Variants in TMEM255B observed in about 807,000 individuals in gnomAD.
TMEM255B encodes the protein family with sequence similarity 70, member B.
TMEM255B carries 35 observed loss-of-function variants against 34.5 expected under a neutral mutation model. That is an observed-to-expected ratio of 1.01 (90% CI 0.77 to 1.34). The LOEUF is 1.34. TMEM255B is among the 40% of genes most tolerant of loss of function. TMEM255B has a pLI of 0.00. For missense variants in TMEM255B, 432 were observed against 433.2 expected, an observed-to-expected ratio of 1.00 and a Z score of 0.02; for synonymous variants, 206 against 201.2, an observed-to-expected ratio of 1.02 and a Z score of -0.20.
Position 113,759,281 on chromosome 13 carries a change from G to A in TMEM255B, c.12G>A (p.Pro4=). The change falls in exon 1 of 9, where the codon CCG becomes CCA. Residue 4 remains proline (P), a synonymous_variant. Coordinates refer to ENST00000375353, the MANE Select transcript of TMEM255B (RefSeq NM_182614.4). MQP[P]VPGPLGLLDP... Reference sequence around the variant, plus strand: ...GGTGGGGCCTCGGGATGCAGCCGCCGGTGCCCGGGCCCCTGGGCCTGCTGG... The same window carrying A: ...GGTGGGGCCTCGGGATGCAGCCGCCAGTGCCCGGGCCCCTGGGCCTGCTGG... 3 of 1,228,906 alleles carry A rather than the reference G, an allele frequency of 2.4e-6. No homozygotes were observed. The highest frequency in any genetic ancestry group is 4.1e-5 in the South Asian group (1 of 24,296). 76.1% of individuals were successfully genotyped at this position (1,228,906 alleles called of 1,614,324 possible).
chr13:113,774,583 C>A (rs1381306334), intron 3 of TMEM255B, among the ~76,000 whole-genome samples: 17 of 143,314 alleles, frequency 1.2e-4, no homozygotes, highest in Non-Finnish European at 2.1e-4. Flanking sequence ...GACACACACA[C>A]CACACAACAC....
At chr13:113,794,158 C>T (rs1179430374) in intron 3 of TMEM255B, among the ~76,000 whole-genome samples, 2 of 152,190 alleles carry the variant, frequency 1.3e-5, no homozygotes, top group Admixed American at 6.5e-5. Flanking sequence ...GAACTCCTCT[C>T]TCCACATACT....
rs1005632189 is a variant in TMEM255B, at chr13:113,770,373, A to G, written c.252+1213A>G. Among the ~76,000 whole-genome samples, 1 of 152,150 alleles carries G rather than the reference A, an allele frequency of 6.6e-6. No individual in the cohort carries two copies. The highest frequency in any genetic ancestry group is 6.5e-5 in the Admixed American group (1 of 15,274). ...CAGGTCCCTCCCACAACACATGAGG[A>G]TCCAAGATGAGATTTGGGTGAGGAC... On this transcript the variant is annotated intron_variant, in intron 3 of 8. Transcript: ENST00000375353. The surrounding 1 kb of genome is among the most constrained non-coding windows in gnomAD (Gnocchi z 4.6).
chr13:113,781,313 C>A (rs1257472331), intron 3 of TMEM255B, among the ~76,000 whole-genome samples: 1 of 152,192 alleles, frequency 6.6e-6, no homozygotes, highest in Non-Finnish European at 1.5e-5. Context: ...AATAGAATTT[C>A]CTTTACAATC....
intron 3 of TMEM255B, among the ~76,000 whole-genome samples, chr13:113,782,052 C>T (rs2050672817): frequency 1.3e-5 from 2 of 152,192 alleles, no homozygotes; most frequent in African/African-American, 4.8e-5. Flanking sequence ...AGTTTATGAT[C>T]TAAAAGCATT....
rs1205216381 is a variant in TMEM255B, at chr13:113,797,279, C to T, written c.342+2042C>T. 2.6e-5 allele frequency among the ~76,000 whole-genome samples: 4 copies of T among 152,272 alleles called. No individual in the cohort carries two copies. The East Asian group carries it at 7.7e-4, about 29-fold the overall frequency. On this transcript the variant is annotated intron_variant, in intron 4 of 8. Coordinates refer to ENST00000375353, the MANE Select transcript of TMEM255B (RefSeq NM_182614.4). ...TTAGGACGGATGCGCAGACAGCACT[C>T]ACTGGAGCTCAGATGCCATCGAGGA...
chr13:113,783,278 G>A (rs567127257), intron 3 of TMEM255B, among the ~76,000 whole-genome samples: 2 of 152,292 alleles, frequency 1.3e-5, no homozygotes, highest in South Asian at 2.1e-4. Context: ...AGGTGATCAC[G>A]TGGTTTCTTT....
At chr13:113,765,876 C>T (rs1394758760) in intron 1 of TMEM255B, among the ~76,000 whole-genome samples, 1 of 152,210 alleles carries the variant, frequency 6.6e-6, no homozygotes, top group Non-Finnish European at 1.5e-5. Flanking sequence ...AGTTCTGTGA[C>T]AGTTAGAATT....
rs1319492470 is a variant in TMEM255B, at chr13:113,806,501, C to T, written c.813+1473C>T. 6.6e-6 allele frequency among the ~76,000 whole-genome samples: 1 copy of T among 152,196 alleles called. No homozygotes were observed. Among genetic ancestry groups the T allele is most frequent in the South Asian group, 2.1e-4 (1 of 4,838 alleles). ...GAATATAAAGCTGGGGCCCTGCTCC[C>T]TGGGAACACAAGGCCCCTGCTGGAG... On this transcript the variant is annotated intron_variant, in intron 8 of 8. Transcript: ENST00000375353. The surrounding 1 kb of genome is among the most constrained non-coding windows in gnomAD (Gnocchi z 4.2).
intron 8 of TMEM255B, 35 bp downstream of exon 8, chr13:113,805,063 C>T: frequency 6.4e-7 from 1 of 1,567,078 alleles, no homozygotes; most frequent in Non-Finnish European, 8.6e-7. Context: ...GTTGGACGCG[C>T]TGGTCACAGG....
rs140750573 is a variant in TMEM255B, at chr13:113,801,740, T to C, written c.597T>C (p.Ser199=). The C allele has an allele frequency of 1.3e-5, 21 of 1,613,114 alleles. No individual in the cohort carries two copies. The highest frequency in any genetic ancestry group is 2.7e-5 in the African/African-American group (2 of 74,904). The change falls in exon 7 of 9, where the codon TCT becomes TCC. Residue 199 remains serine, a synonymous_variant. Transcript: ENST00000375353. ...VLHLYRLLWA[S]AVLNVLGLFL... ...ACCTGTACCGCCTGCTCTGGGCCTC[T>C]GCAGTTCTGAACGTCCTGGGCCTGT...
chr13:113,769,211 G>A lies in TMEM255B; in HGVS notation c.252+51G>A, dbSNP rs1275953641. ...GAGCATGAGTCCCTCATCAGGGGATGGTACAGCTGCACTGGGGCTCTGAGA... is the reference window on the plus strand; with the variant it reads ...GAGCATGAGTCCCTCATCAGGGGATAGTACAGCTGCACTGGGGCTCTGAGA... On this transcript the variant is annotated intron_variant, in intron 3 of 8. Coordinates refer to ENST00000375353, the MANE Select transcript of TMEM255B (RefSeq NM_182614.4). The surrounding 1 kb of genome is among the most constrained non-coding windows in gnomAD (Gnocchi z 4.2). The A allele has an allele frequency of 3.1e-6, 5 of 1,593,888 alleles. No homozygotes were observed. Among genetic ancestry groups the A allele is most frequent in the Middle Eastern group, 1.7e-4 (1 of 5,994 alleles).
intron 3 of TMEM255B, among the ~76,000 whole-genome samples, chr13:113,786,441 C>G (rs2050743052): frequency 6.6e-6 from 1 of 151,904 alleles, no homozygotes; most frequent in Non-Finnish European, 1.5e-5. Context: ...ACCATCATCA[C>G]TGTTGTCATC....
At chr13:113,796,464 A>G (rs2050941528) in intron 4 of TMEM255B, among the ~76,000 whole-genome samples, 1 of 144,794 alleles carries the variant, frequency 6.9e-6, no homozygotes, top group African/African-American at 2.6e-5. Flanking sequence ...CACACCACAC[A>G]CACCACAGAG....
In TMEM255B at chr13:113,800,829, C is replaced by G; in HGVS notation, c.426C>G (p.Val142=). ...CTGACAAGGCCTCTCTGCCCCAGGT[C>G]ACCTGTCACTCCCTGGACGGCAAGT... The part of the protein sequence containing the change: ...GYLYDVYQTE[V]TCHSLDGKCQ... The change falls in exon 6 of 9, where the codon GTC becomes GTG. Residue 142 remains valine, a splice_region_variant and synonymous_variant. Transcript: ENST00000375353. The G allele has an allele frequency of 6.2e-7, 1 of 1,605,356 alleles. No individual in the cohort carries two copies. The highest frequency in any genetic ancestry group is 1.3e-5 in the African/African-American group (1 of 74,938).
chr13:113,774,656 A>C (rs567463514), intron 3 of TMEM255B, among the ~76,000 whole-genome samples: 16 of 148,282 alleles, frequency 1.1e-4, no homozygotes, highest in East Asian at 1.0e-3. Context: ...ACTATACACA[A>C]CACACACCAC....
intron 1 of TMEM255B, among the ~76,000 whole-genome samples, chr13:113,764,063 C>A (rs944173164): frequency 1.3e-5 from 2 of 152,208 alleles, no homozygotes; most frequent in African/African-American, 4.8e-5. Context: ...TCCTCCCCAT[C>A]CAAAGACAAG....
chr13:113,774,791 C>T (rs981943134), intron 3 of TMEM255B, among the ~76,000 whole-genome samples: 4 of 146,704 alleles, frequency 2.7e-5, no homozygotes, highest in Admixed American at 6.8e-5. Flanking sequence ...ACACAATACA[C>T]GCTCCACACA....
chr13:113,759,938 C>A (rs1471950623), intron 1 of TMEM255B, among the ~76,000 whole-genome samples: 1 of 152,206 alleles, frequency 6.6e-6, no homozygotes, highest in Admixed American at 6.5e-5. Context: ...AACAGGAAAC[C>A]TGTTGCGTGT....
Sources: allele counts gnomAD v4.1 joint callset (sites outside exome capture counted in the v4.1 genomes callset), GRCh38; gene constraint gnomAD v4.1.1; non-coding constraint Gnocchi (gnomAD v3.1); transcripts MANE v1.5; gene names NCBI Gene and HGNC (gene_info 2026-07-23, HGNC 2026-07-21).